CLASP2: variants seen among roughly 807,000 people sequenced by gnomAD.
The protein encoded by CLASP2 is cytoplasmic linker associated protein 2.
In CLASP2, 47 loss-of-function variants were observed where a neutral mutation model predicts 194.4. The ratio of observed to expected loss-of-function variants is 0.24; its 90% confidence interval spans 0.19 to 0.31. CLASP2 has a LOEUF of 0.31. Ranked by LOEUF, CLASP2 falls within the 10% of genes least tolerant of loss-of-function variation. CLASP2 has a pLI of 1.00. For missense variants in CLASP2, 1,445 were observed against 1,823.6 expected (o/e 0.79, Z 3.78); for synonymous variants, 619 against 633.5 (o/e 0.98, Z 0.34).
At chr3:33,582,123 T>A (rs1301875912) in intron 22 of CLASP2, among the ~76,000 whole-genome samples, 195 bp from the exon 23 acceptor site, 1 of 152,240 alleles carries the variant, frequency 6.6e-6, no homozygotes, top group East Asian at 1.9e-4. Context: ...CTAGTTTGTA[T>A]GAAATTAGAA....
chr3:33,639,269 G>T (rs887284787), intron 8 of CLASP2, among the ~76,000 whole-genome samples: 9 of 152,038 alleles, frequency 5.9e-5, no homozygotes, highest in African/African-American at 2.2e-4. Context: ...TGGTGCACAG[G>T]CTGGTTTCGA....
At chr3:33,672,609 A>C (rs2087559159) in intron 6 of CLASP2, among the ~76,000 whole-genome samples, 1 of 152,266 alleles carries the variant, frequency 6.6e-6, no homozygotes, top group Non-Finnish European at 1.5e-5. Context: ...GACTTTGACG[A>C]GTTGACAGAA....
intron 8 of CLASP2, among the ~76,000 whole-genome samples, chr3:33,632,871 T>C (rs1398832694): frequency 2.0e-5 from 3 of 152,212 alleles, no homozygotes; most frequent in Non-Finnish European, 4.4e-5. Context: ...GCAGTAGTTA[T>C]TGAAGAGCCA....
intron 10 of CLASP2, among the ~76,000 whole-genome samples, chr3:33,625,656 C>T (rs554146093): frequency 1.4e-4 from 21 of 150,770 alleles, no homozygotes; most frequent in Non-Finnish European, 3.0e-4. Context: ...AAAGGATATA[C>T]TCTAAAATGA....
chr3:33,658,068 T>C (rs1373296662), intron 7 of CLASP2, among the ~76,000 whole-genome samples: 1 of 152,140 alleles, frequency 6.6e-6, no homozygotes, highest in Non-Finnish European at 1.5e-5. Flanking sequence ...AGTATATCTC[T>C]AGGCCTCGTA....
At chr3:33,635,109 A>C (rs78358762) in intron 8 of CLASP2, among the ~76,000 whole-genome samples, 2 of 151,308 alleles carry the variant, frequency 1.3e-5, no homozygotes, top group Admixed American at 6.6e-5. Flanking sequence ...AAAAAAAAAA[A>C]CCCAGCCAGG....
At chr3:33,531,427 A>G (rs905723162) in intron 34 of CLASP2, among the ~76,000 whole-genome samples, 1 of 152,242 alleles carries the variant, frequency 6.6e-6, no homozygotes, top group Non-Finnish European at 1.5e-5. Context: ...CAAATGGCCA[A>G]TAAGCACAGG....
At chr3:33,516,884 C>A in intron 35 of CLASP2, 97 bp downstream of exon 35, 1 of 1,054,828 alleles carries the variant, frequency 9.5e-7, no homozygotes, top group East Asian at 2.5e-5. Flanking sequence ...AGAAGAGATT[C>A]ATTCTCCCAA....
At position 33,672,985 on chromosome 3, in the gene CLASP2, C is replaced by T. The variant is rs897559921; in HGVS notation, c.645-9470G>A. ...GTCTGACTGGTGTACCTGAAAGTGA[C>T]GGGGAGAATGGAACCAAGTTGGAAA... On this transcript the variant is annotated intron_variant, in intron 6 of 38. Coordinates refer to ENST00000682230, the MANE Select transcript of CLASP2 (RefSeq NM_001365631.1). Among the ~76,000 whole-genome samples, 194 of 152,172 alleles carry T rather than the reference C, an allele frequency of 1.3e-3. 1 individual carries two copies. Among genetic ancestry groups the T allele is most frequent in the South Asian group, 1.9e-3 (9 of 4,822 alleles).
intron 19 of CLASP2, among the ~76,000 whole-genome samples, chr3:33,596,000 T>A (rs1031141432): frequency 6.6e-6 from 1 of 152,014 alleles, no homozygotes; most frequent in African/African-American, 2.4e-5. Context: ...TTCCTAGATC[T>A]CATAATGTGA....
At chr3:33,602,175 GGCTAA>G (rs1255521571) in intron 18 of CLASP2, among the ~76,000 whole-genome samples, 2 of 151,976 alleles carry the variant, frequency 1.3e-5, no homozygotes, top group Non-Finnish European at 2.9e-5. Context: ...CACCATGCCC[GGCTAA>G]GTTTTGCATT....
chr3:33,607,457 C>A lies in CLASP2; in HGVS notation c.1453G>T (p.Ala485Ser), dbSNP rs780778763. Reference protein sequence around the residue: ...EWQTHSLERHAAVLVETIKKG... With the variant: ...EWQTHSLERHSAVLVETIKKG... ...TTAATAGTTTCAACCAAGACGGCTG[C>A]ATGTCTATAAAATAAAATACATCTT... Residue 485 changes from alanine (A) to serine (S), a missense_variant, in exon 15 of 39, where the codon GCA becomes TCA. Ala to Ser is a moderately conservative substitution (Grantham distance 99). Coordinates refer to ENST00000682230, the MANE Select transcript of CLASP2 (RefSeq NM_001365631.1). The A allele has an allele frequency of 6.2e-7, 1 of 1,603,032 alleles. No homozygotes were observed. Among genetic ancestry groups the A allele is most frequent in the Non-Finnish European group, 8.5e-7 (1 of 1,174,374 alleles).
chr3:33,509,262 A>G (rs1219802481), intron 37 of CLASP2, among the ~76,000 whole-genome samples: 1 of 152,192 alleles, frequency 6.6e-6, no homozygotes, highest in Non-Finnish European at 1.5e-5. Context: ...AAATAACCAT[A>G]CCAGCATCTT....
chr3:33,583,517 A>C (rs1414965322), intron 22 of CLASP2, among the ~76,000 whole-genome samples: 5 of 152,224 alleles, frequency 3.3e-5, no homozygotes, highest in Admixed American at 6.5e-5. Context: ...ATAACACAGT[A>C]TATGTTATTT....
At chr3:33,658,936 A>G (rs564891896) in intron 7 of CLASP2, 18 of 1,503,170 alleles carry the variant, frequency 1.2e-5, no homozygotes, top group African/African-American at 2.8e-5. Context: ...AAGGAAGTGT[A>G]TAACACAAGC....
Position 33,517,013 on chromosome 3 carries a change from G to A in CLASP2, c.3949C>T (p.Leu1317Phe), listed in dbSNP as rs1383368994. Residue 1317 changes from leucine (L) to phenylalanine (F), a missense_variant, in exon 35 of 39, where the codon CTT (leucine) becomes TTT (phenylalanine). Coordinates refer to ENST00000682230, the MANE Select transcript of CLASP2 (RefSeq NM_001365631.1). Reference sequence around the variant, plus strand: ...TCTCCAAGCGTTTCAAGCAATAAAAGCAATATTGTTTTGAAGTGTTCATCC... The same window carrying A: ...TCTCCAAGCGTTTCAAGCAATAAAAACAATATTGTTTTGAAGTGTTCATCC... The part of the protein sequence containing the change: ...VWDEHFKTIL[L>F]LLLETLGDKE... 6.2e-7 allele frequency: 1 copy of A among 1,613,108 alleles called. No individual in the cohort carries two copies. The highest frequency in any genetic ancestry group is 8.5e-7 in the Non-Finnish European group (1 of 1,179,672).
chr3:33,536,834 G>A (rs1218773345), intron 33 of CLASP2, among the ~76,000 whole-genome samples: 1 of 152,166 alleles, frequency 6.6e-6, no homozygotes, highest in Non-Finnish European at 1.5e-5. Context: ...TGGTATGGAG[G>A]ATGAGAAAAA....
chr3:33,631,163 C>T (rs73826762), intron 9 of CLASP2, among the ~76,000 whole-genome samples: 255 of 152,148 alleles, frequency 1.7e-3, no homozygotes, highest in African/African-American at 6.0e-3. Flanking sequence ...AATAGACATG[C>T]TAAAGAGTAT....
intron 1 of CLASP2, among the ~76,000 whole-genome samples, chr3:33,697,247 G>A (rs1008249241): frequency 6.6e-6 from 1 of 152,154 alleles, no homozygotes; most frequent in African/African-American, 2.4e-5. Flanking sequence ...TAATGACAGG[G>A]ATAAATTCTA....
Sources: allele counts gnomAD v4.1 joint callset (sites outside exome capture counted in the v4.1 genomes callset), GRCh38; gene constraint gnomAD v4.1.1; transcripts MANE v1.5; gene names NCBI Gene and HGNC (gene_info 2026-07-23, HGNC 2026-07-21).